The following TRAF2 variants were observed in gnomAD, a reference collection of about 807,000 sequenced individuals.
TRAF2 encodes TNF receptor associated factor 2.
In TRAF2, 6 loss-of-function variants were observed where a neutral mutation model predicts 55.6. That is an observed-to-expected ratio of 0.11 (90% confidence interval 0.06 to 0.21). The LOEUF (loss-of-function observed/expected upper bound fraction) is 0.21. Among genes scored for constraint, TRAF2 ranks in the 10% least tolerant of loss-of-function variants. The pLI, the probability that TRAF2 is intolerant of heterozygous loss-of-function variation, is 1.00. For synonymous variants in TRAF2, 329 were observed against 276.3 expected, an observed-to-expected ratio of 1.19 and a Z score of -1.89; for missense variants, 561 against 684.5, an observed-to-expected ratio of 0.82 and a Z score of 2.01.
chr9:136,884,328 G>A (rs1849408245), upstream of TRAF2, among the ~76,000 whole-genome samples: 1 of 151,794 alleles, frequency 6.6e-6, no homozygotes, highest in Admixed American at 6.6e-5. Context: ...GGAGGCCGAG[G>A]CAGGCAATTG....
intron 4 of TRAF2, among the ~76,000 whole-genome samples, chr9:136,907,173 C>T (rs1849974237): frequency 6.6e-6 from 1 of 152,244 alleles, no homozygotes; most frequent in African/African-American, 2.4e-5. Context: ...CCACCCTGGC[C>T]ATCTGTGGAC....
At chr9:136,891,301 G>A (rs1401200714) in intron 1 of TRAF2, among the ~76,000 whole-genome samples, 5 of 150,802 alleles carry the variant, frequency 3.3e-5, no homozygotes, top group African/African-American at 7.3e-5. Context: ...GTGGAGACGG[G>A]GTCTCACCAT....
rs550668388 is a variant in TRAF2 at position 136,915,175 on chromosome 9, G to A, written c.604-1366G>A. 2.0e-4 allele frequency among the ~76,000 whole-genome samples: 31 copies of A among 152,078 alleles called. No individual in the cohort carries two copies. The South Asian group carries it at 5.8e-3, about 28-fold the overall frequency. On this transcript the variant is annotated intron_variant, in intron 6 of 10. Coordinates refer to ENST00000247668, the MANE Select transcript of TRAF2 (RefSeq NM_021138.4). ...GCCTGGGCAACAAGAGAGAAACTCC[G>A]TCTCAAAAAAAAGTTTTGTAATTTT...
chr9:136,894,838 C>T (rs1448393601), intron 1 of TRAF2, among the ~76,000 whole-genome samples: 1 of 152,142 alleles, frequency 6.6e-6, no homozygotes, highest in Non-Finnish European at 1.5e-5. Flanking sequence ...GATAGCTGGG[C>T]ATGGAGGTGC....
At chr9:136,916,508 G>GA (rs1850245403) in intron 6 of TRAF2, 33 bp from the exon 7 acceptor site, 1 of 1,610,046 alleles carries the variant, frequency 6.2e-7, no homozygotes, top group South Asian at 1.1e-5. Context: ...TCAGAACAGA[G>GA]AAAGATGGCT....
chr9:136,897,439 C>A (rs2784081), intron 1 of TRAF2, among the ~76,000 whole-genome samples: 121,087 of 151,730 alleles, frequency 0.8, 48,548 homozygotes, highest in East Asian at 0.87. Context: ...CCATGTGTAT[C>A]GTCTGAAGTG....
At chr9:136,903,693 G>GT (rs955806630) in intron 4 of TRAF2, among the ~76,000 whole-genome samples, 8 of 151,876 alleles carry the variant, frequency 5.3e-5, no homozygotes, top group East Asian at 1.9e-4. Flanking sequence ...TTTGTTTGTT[G>GT]TTTTTTGCGA....
chr9:136,882,142 G>C (rs1461972884), upstream of TRAF2: 6 of 734,794 alleles, frequency 8.2e-6, no homozygotes, highest in Non-Finnish European at 1.0e-5. Flanking sequence ...GTGCAAGCTG[G>C]GCTCTGTCGT....
intron 1 of TRAF2, among the ~76,000 whole-genome samples, chr9:136,888,120 C>A (rs1281678617): frequency 6.6e-6 from 1 of 152,202 alleles, no homozygotes; most frequent in Non-Finnish European, 1.5e-5. Context: ...ATCCACCCGC[C>A]TCGGCCTCCC....
intron 1 of TRAF2, among the ~76,000 whole-genome samples, chr9:136,895,476 C>T (rs193287770): frequency 1.3e-5 from 2 of 152,342 alleles, no homozygotes; most frequent in East Asian, 3.9e-4. Flanking sequence ...GCAAGGCCCC[C>T]ATCTTGGGGC....
intron 1 of TRAF2, among the ~76,000 whole-genome samples, chr9:136,898,230 T>G (rs1304829377): frequency 6.6e-6 from 1 of 152,182 alleles, no homozygotes; most frequent in Non-Finnish European, 1.5e-5. Context: ...AGAGCCTGAG[T>G]GCCAGCAGGC....
At chr9:136,882,903 C>G (rs763898634), upstream of TRAF2, among the ~76,000 whole-genome samples, 2 of 152,230 alleles carry the variant, frequency 1.3e-5, no homozygotes. Context: ...CAGAGTCTTG[C>G]TCTGTCGTCC....
chr9:136,895,122 C>G (rs904910263), intron 1 of TRAF2, among the ~76,000 whole-genome samples: 1 of 152,210 alleles, frequency 6.6e-6, no homozygotes, highest in South Asian at 2.1e-4. Context: ...CAGCAGTGTT[C>G]TGGCCTTTTG....
chr9:136,895,206 C>T (rs1456377436), intron 1 of TRAF2, among the ~76,000 whole-genome samples: 1 of 152,148 alleles, frequency 6.6e-6, no homozygotes, highest in African/African-American at 2.4e-5. Flanking sequence ...GCTCTGGGGC[C>T]GGGTGACCCA....
chr9:136,920,656 G>A (rs151090293), intron 8 of TRAF2, 141 bp downstream of exon 8: 1 of 1,209,568 alleles, frequency 8.3e-7, no homozygotes, highest in Non-Finnish European at 1.1e-6. Flanking sequence ...AGTCCAGTGT[G>A]GTTTAGGGGA....
intron 6 of TRAF2, among the ~76,000 whole-genome samples, chr9:136,911,352 C>T (rs1400320920): frequency 6.7e-6 from 1 of 149,598 alleles, no homozygotes; most frequent in African/African-American, 2.5e-5. Flanking sequence ...GCAACCTCTG[C>T]CTCCTGGGTT....
chr9:136,920,106 C>A, intron 7 of TRAF2, 128 bp from the exon 8 acceptor site: 2 of 1,216,942 alleles, frequency 1.6e-6, no homozygotes, highest in Non-Finnish European at 1.1e-6. Flanking sequence ...ACCAGGCCAC[C>A]CAGGCATCCC....
intron 5 of TRAF2, 124 bp from the exon 6 acceptor site, chr9:136,909,796 G>A: frequency 1.1e-6 from 1 of 923,008 alleles, no homozygotes; most frequent in Non-Finnish European, 1.7e-6. Flanking sequence ...GTCCTTCGAG[G>A]CTGGAGGGTG....
chr9:136,909,614 C>T (rs879366211), intron 5 of TRAF2, among the ~76,000 whole-genome samples: 3 of 152,220 alleles, frequency 2.0e-5, no homozygotes, highest in African/African-American at 7.2e-5. Context: ...CGCCTCCCAG[C>T]GGGAGCAGCG....
Sources: allele counts gnomAD v4.1 joint callset (sites outside exome capture counted in the v4.1 genomes callset), GRCh38; gene constraint gnomAD v4.1.1; transcripts MANE v1.5; gene names NCBI Gene and HGNC (gene_info 2026-07-23, HGNC 2026-07-21).